Variants in PARL observed in about 807,000 individuals in gnomAD.
PARL encodes presenilin associated rhomboid like, also known as presenilin-associated rhomboid-like protein, mitochondrial.
A neutral mutation model predicts 51.6 loss-of-function variants in PARL; 44 were observed. The observed-to-expected ratio is 0.85, with a 90% CI of 0.67 to 1.10. The LOEUF is 1.10. PARL is among the 50% of genes least tolerant of loss of function. The pLI, the probability that PARL is intolerant of heterozygous loss-of-function variation, is 0.00. For missense variants in PARL, 441 were observed against 469.5 expected, an observed-to-expected ratio of 0.94 and a Z score of 0.56; for synonymous variants, 172 against 164.0, an observed-to-expected ratio of 1.05 and a Z score of -0.37.
At chr3:183,851,839 T>C (rs1025645710) in intron 4 of PARL, among the ~76,000 whole-genome samples, 1 of 152,040 alleles carries the variant, frequency 6.6e-6, no homozygotes, top group Non-Finnish European at 1.5e-5. Context: ...ACTATACCCA[T>C]TACGATGGCT....
At position 183,829,693 on chromosome 3, in the gene PARL, CGTAA is replaced by C; in HGVS notation, c.1041_1044del (p.Tyr348ValfsTer4). ...CTGTTCTTCCAAATCAGTTCATGAC[CGTAA>C]GTAACATACCATCTGGAGAAAAACA... is the stretch of plus-strand genomic sequence containing the variant. On this transcript the variant is annotated frameshift_variant, in exon 10 of 10. Coordinates refer to ENST00000317096, the MANE Select transcript of PARL (RefSeq NM_018622.7). LOFTEE classifies it high-confidence loss of function. The C allele has an allele frequency of 1.2e-6, 2 of 1,614,012 alleles. No homozygotes were observed. The highest frequency in any genetic ancestry group is 1.7e-6 in the Non-Finnish European group (2 of 1,179,948).
chr3:183,871,705 G>A (rs1052287117), intron 1 of PARL, among the ~76,000 whole-genome samples: 4 of 152,060 alleles, frequency 2.6e-5, no homozygotes, highest in East Asian at 1.9e-4. Context: ...TTAGATGAGC[G>A]ATTGCCTGGA....
chr3:183,870,193 G>A (rs1479591975), intron 1 of PARL, among the ~76,000 whole-genome samples: 7 of 148,122 alleles, frequency 4.7e-5, no homozygotes, highest in East Asian at 4.0e-4. Context: ...CAGAAGAATC[G>A]CGTGAACCTG....
At chr3:183,841,652 C>T (rs1406435514) in intron 6 of PARL, among the ~76,000 whole-genome samples, 2 of 152,160 alleles carry the variant, frequency 1.3e-5, no homozygotes, top group Non-Finnish European at 2.9e-5. Context: ...GTACATTTTA[C>T]AAACAGAGAG....
intron 4 of PARL, among the ~76,000 whole-genome samples, chr3:183,856,024 C>T (rs9840377): frequency 0.41 from 62,423 of 151,552 alleles, 13,508 homozygotes; most frequent in Middle Eastern, 0.55. Context: ...GTTCCCCTGC[C>T]GCTCACCTCC....
At chr3:183,882,753 T>G (rs1278859687) in intron 1 of PARL, among the ~76,000 whole-genome samples, 1 of 152,202 alleles carries the variant, frequency 6.6e-6, no homozygotes, top group South Asian at 2.1e-4. Context: ...CATTCTTGGC[T>G]GGTGGGCCGC....
intron 3 of PARL, among the ~76,000 whole-genome samples, chr3:183,863,246 G>A (rs1208491201): frequency 6.6e-6 from 1 of 152,070 alleles, no homozygotes; most frequent in African/African-American, 2.4e-5. Flanking sequence ...ATATAGTAAT[G>A]GTACTGGAGT....
At chr3:183,882,230 TA>T (rs1560442044) in intron 1 of PARL, among the ~76,000 whole-genome samples, 4 of 20,296 alleles carry the variant, frequency 2.0e-4, no homozygotes, top group Non-Finnish European at 4.0e-4. Context: ...AAAATATATA[TA>T]TATATATATA....
intron 6 of PARL, 83 bp from the exon 7 acceptor site, chr3:183,840,723 T>TG: frequency 1.4e-6 from 1 of 738,616 alleles, no homozygotes. Context: ...TTTTTTTTTT[T>TG]GAGACAGAGT....
chr3:183,866,657 T>G lies in PARL; in HGVS notation c.430A>C (p.Arg144=), dbSNP rs1470591915. 6.2e-7 allele frequency: 1 copy of G among 1,611,970 alleles called. No homozygotes were observed. The highest frequency in any genetic ancestry group is 1.1e-5 in the South Asian group (1 of 91,016). ...CTGAAGTCTCCTTCTTTTTGTGGTC[T>G]TATGCTATCCAACCAATCAGCTTTT... ...GIKADWLDSI[R]PQKEGDFRKE... Residue 144 remains arginine, a synonymous_variant, in exon 3 of 10, where the codon AGA becomes CGA. Transcript: ENST00000317096.
intron 9 of PARL, among the ~76,000 whole-genome samples, chr3:183,832,368 G>A (rs996542136): frequency 2.0e-5 from 3 of 151,728 alleles, no homozygotes; most frequent in Non-Finnish European, 4.4e-5. Flanking sequence ...ACAGGCGCCC[G>A]CCACCACGCC....
intron 1 of PARL, among the ~76,000 whole-genome samples, chr3:183,875,474 T>A (rs1377154571): frequency 7.3e-5 from 10 of 136,886 alleles, no homozygotes; most frequent in African/African-American, 2.5e-4. Context: ...ATTGCCAACA[T>A]GGAAAAAATT....
At chr3:183,870,621 A>T (rs1733080410) in intron 1 of PARL, among the ~76,000 whole-genome samples, 2 of 152,044 alleles carry the variant, frequency 1.3e-5, no homozygotes, top group African/African-American at 4.8e-5. Context: ...GCCCCACTCC[A>T]AGTGCATCCT....
chr3:183,873,887 C>G (rs931550563), intron 1 of PARL, among the ~76,000 whole-genome samples: 2 of 152,100 alleles, frequency 1.3e-5, no homozygotes, highest in Non-Finnish European at 2.9e-5. Context: ...ATTAAGAGTA[C>G]ATTACACAAG....
At chr3:183,846,198 T>G (rs1195728117) in intron 4 of PARL, among the ~76,000 whole-genome samples, 1 of 151,488 alleles carries the variant, frequency 6.6e-6, no homozygotes, top group Non-Finnish European at 1.5e-5. Context: ...TGAAAAAAAA[T>G]GAAAGATAAA....
At chr3:183,836,749 A>C (rs1333534038) in intron 7 of PARL, among the ~76,000 whole-genome samples, 3 of 152,094 alleles carry the variant, frequency 2.0e-5, no homozygotes, top group Non-Finnish European at 2.9e-5. Context: ...CTTATTTCAT[A>C]AACATATATT....
intron 1 of PARL, among the ~76,000 whole-genome samples, chr3:183,875,497 G>T (rs1733705298): frequency 6.8e-6 from 1 of 147,696 alleles, no homozygotes; most frequent in African/African-American, 2.5e-5. Flanking sequence ...ATGAATAGAA[G>T]ATCAAATCAG....
chr3:183,881,692 A>G (rs934446516), intron 1 of PARL, among the ~76,000 whole-genome samples: 2 of 152,152 alleles, frequency 1.3e-5, no homozygotes, highest in African/African-American at 4.8e-5. Flanking sequence ...CAGGAGTTTG[A>G]GGCTGCAGTG....
In PARL at chr3:183,866,758, C is replaced by G. The variant is rs755894873; in HGVS notation, c.329G>C (p.Gly110Ala). Residue 110 changes from glycine (G) to alanine (A), a missense_variant, in exon 3 of 10, where the codon GGC becomes GCC. Physicochemically the swap from Gly to Ala is moderately conservative, Grantham distance 60. Coordinates refer to ENST00000317096, the MANE Select transcript of PARL (RefSeq NM_018622.7). ...KPLFFTVGFTGCAFGSAAIWQ... is the reference protein window; with the variant it reads ...KPLFFTVGFTACAFGSAAIWQ... Reference sequence around the variant, plus strand: ...AATAGCAGCTGATCCAAATGCACAGCCTGTAAACTATATAAAATTAGATAT... The same window carrying G: ...AATAGCAGCTGATCCAAATGCACAGGCTGTAAACTATATAAAATTAGATAT... 7 of 1,593,708 alleles carry G rather than the reference C, an allele frequency of 4.4e-6. No homozygotes were observed. In the East Asian group the frequency reaches 1.6e-4, roughly 36 times the overall value.
Sources: gnomAD v4.1 joint callset for allele counts (sites outside exome capture counted in the v4.1 genomes callset) on GRCh38, gnomAD v4.1.1 for gene constraint, MANE v1.5 for transcripts, NCBI Gene and HGNC (gene_info 2026-07-23, HGNC 2026-07-21) for gene names.